The following TRIM71 variants were observed in gnomAD, a reference collection of about 807,000 sequenced individuals.
TRIM71 encodes E3 ubiquitin-protein ligase TRIM71.
Under a neutral mutation model 61.2 loss-of-function variants are expected in TRIM71, and 9 were observed. The observed-to-expected ratio is 0.15, with a 90% confidence interval of 0.09 to 0.26. The LOEUF (loss-of-function observed/expected upper bound fraction) is 0.26. Among genes scored for constraint, TRIM71 ranks in the 10% least tolerant of loss-of-function variants. The pLI is 1.00. For synonymous variants in TRIM71, 645 were observed against 553.2 expected (o/e 1.17, Z -2.33); for missense variants, 998 against 1,238.7 (o/e 0.81, Z 2.92).
rs138150823 is a variant in TRIM71 at position 32,820,143 on chromosome 3, G to A, written c.852+1211G>A. The stretch of plus-strand genomic sequence containing the variant: ...GTGAAAGTCTTGACTTAGAGCGTAA[G>A]CTGGAGACTGCAGAGGCTTTAAAAG... On this transcript the variant is annotated intron_variant, in intron 1 of 3. Transcript: ENST00000383763. 5.9e-4 allele frequency among the ~76,000 whole-genome samples: 90 copies of A among 152,380 alleles called. No individual in the cohort carries two copies. The East Asian group carries it at 0.015, about 26-fold the overall frequency.
At chr3:32,832,366 C>A (rs941906009) in intron 1 of TRIM71, among the ~76,000 whole-genome samples, 7 of 152,072 alleles carry the variant, frequency 4.6e-5, no homozygotes, top group Non-Finnish European at 4.4e-5. Context: ...GTGGAGAGGG[C>A]CTGAGGTGGG....
At chr3:32,834,287 G>A (rs1344027534) in intron 1 of TRIM71, among the ~76,000 whole-genome samples, 1 of 152,206 alleles carries the variant, frequency 6.6e-6, no homozygotes, top group African/African-American at 2.4e-5. Context: ...AGGAGATAGT[G>A]ATTAAGTCTA....
intron 1 of TRIM71, among the ~76,000 whole-genome samples, chr3:32,858,549 G>A (rs923508562): frequency 9.9e-5 from 15 of 152,208 alleles, no homozygotes; most frequent in African/African-American, 3.4e-4. Context: ...AGGCCCAGGA[G>A]GAAGTTCTGG....
At chr3:32,850,419 A>G (rs1409675726) in intron 1 of TRIM71, among the ~76,000 whole-genome samples, 2 of 152,180 alleles carry the variant, frequency 1.3e-5, no homozygotes, top group East Asian at 3.8e-4. Context: ...TTGATGTCAT[A>G]GTATTTCAAA....
chr3:32,867,529 T>C (rs2125687158), intron 1 of TRIM71, among the ~76,000 whole-genome samples: 1 of 152,256 alleles, frequency 6.6e-6, no homozygotes, highest in East Asian at 1.9e-4. Flanking sequence ...CATGGCTCAC[T>C]ATAGCCTTCA....
chr3:32,882,999 A>C (rs1165774977), intron 2 of TRIM71, among the ~76,000 whole-genome samples: 1 of 152,158 alleles, frequency 6.6e-6, no homozygotes, highest in Non-Finnish European at 1.5e-5. Context: ...GACAAAGCAG[A>C]AGAAGCTGCT....
chr3:32,818,026 C>A lies in TRIM71; in HGVS notation c.-55C>A. 6.4e-7 allele frequency: 1 copy of A among 1,551,392 alleles called. No individual in the cohort carries two copies. On this transcript the variant is annotated 5_prime_UTR_variant, in exon 1 of 4. Transcript: ENST00000383763. ...CCCCACCCACCTCGTCCGCTCTCTC[C>A]TCCTCCTCCTCCTCTTCCTCTCTGG...
chr3:32,891,664 G>A lies in TRIM71; in HGVS notation c.2460G>A (p.Met820Ile). The change falls in exon 4 of 4, where the codon ATG (methionine) becomes ATA (isoleucine). Residue 820 changes from methionine (M) to isoleucine (I), a missense_variant. Around this residue, in one of 5 missense-constraint regions of TRIM71, gnomAD observed 95 missense variants for 159.0 expected, o/e 0.60. Coordinates refer to ENST00000383763, the MANE Select transcript of TRIM71 (RefSeq NM_001039111.3). This position sits in a 1 kb window ranked among gnomAD's most constrained non-coding sequence, Gnocchi z 8.2. The stretch of plus-strand genomic sequence containing the variant: ...ATTCCAGGAACCATCGGGTACAGAT[G>A]TTTGAATCCAACGGCAGCTTCCTGT... ...VADSRNHRVQMFESNGSFLCK... is the reference protein window; with the variant it reads ...VADSRNHRVQIFESNGSFLCK... 1.2e-6 allele frequency: 2 copies of A among 1,614,024 alleles called. No individual in the cohort carries two copies. Among genetic ancestry groups the A allele is most frequent in the South Asian group, 1.1e-5 (1 of 91,052 alleles).
intron 1 of TRIM71, among the ~76,000 whole-genome samples, chr3:32,851,111 C>A (rs1696533891): frequency 6.6e-6 from 1 of 152,132 alleles, no homozygotes; most frequent in Non-Finnish European, 1.5e-5. Context: ...GTTACTGGTT[C>A]AGCTTACACA....
In TRIM71 at chr3:32,829,407, C is replaced by G. The variant is rs1575341495; in HGVS notation, c.852+10475C>G. The stretch of plus-strand genomic sequence containing the variant: ...CTGTGTTGGTCAGGCTGGTCTCAAA[C>G]TCCAACCTCAGGTGATCTGCCTGTC... On this transcript the variant is annotated intron_variant, in intron 1 of 3. Coordinates refer to ENST00000383763, the MANE Select transcript of TRIM71 (RefSeq NM_001039111.3). Among the ~76,000 whole-genome samples, 5 of 151,984 alleles carry G rather than the reference C, an allele frequency of 3.3e-5. No individual in the cohort carries two copies. In the South Asian group the frequency reaches 1.0e-3, roughly 31 times the overall value.
At chr3:32,874,130 G>A (rs754076170) in intron 2 of TRIM71, 145 bp downstream of exon 2, 41 of 794,776 alleles carry the variant, frequency 5.2e-5, no homozygotes, top group East Asian at 1.1e-4. Flanking sequence ...CTGCAGCAGC[G>A]GTCCCTTTAG....
chr3:32,818,064 T>C lies in TRIM71; in HGVS notation c.-17T>C. 1 of 1,609,470 alleles carries C rather than the reference T, an allele frequency of 6.2e-7. No homozygotes were observed. The highest frequency in any genetic ancestry group is 8.5e-7 in the Non-Finnish European group (1 of 1,177,402). On this transcript the variant is annotated 5_prime_UTR_variant, in exon 1 of 4. Coordinates refer to ENST00000383763, the MANE Select transcript of TRIM71 (RefSeq NM_001039111.3). ...TCTTCCTCTCTGGTCTCCTCCCTCC[T>C]CCGGGCTGGGTTGCAAATGGCTTCG...
intron 1 of TRIM71, among the ~76,000 whole-genome samples, chr3:32,858,579 T>G (rs1239099058): frequency 1.3e-5 from 2 of 152,128 alleles, no homozygotes; most frequent in Non-Finnish European, 2.9e-5. Context: ...GAGGCCCAGC[T>G]GAACAGCCTG....
chr3:32,832,583 CAA>C (rs1414248901), intron 1 of TRIM71, among the ~76,000 whole-genome samples: 2 of 152,148 alleles, frequency 1.3e-5, no homozygotes, highest in Non-Finnish European at 2.9e-5. Context: ...CCCAGTTACT[CAA>C]GAGGTAGAAG....
chr3:32,849,055 C>T (rs1388376036), intron 1 of TRIM71, among the ~76,000 whole-genome samples: 1 of 152,130 alleles, frequency 6.6e-6, no homozygotes, highest in East Asian at 1.9e-4. Flanking sequence ...TGGCCCTGGG[C>T]AGTCAGGGGA....
intron 1 of TRIM71, among the ~76,000 whole-genome samples, chr3:32,868,054 A>G (rs1207791828): frequency 6.6e-6 from 1 of 152,188 alleles, no homozygotes; most frequent in Non-Finnish European, 1.5e-5. Context: ...CAACACAACA[A>G]GACTTTTTCT....
Position 32,891,931 on chromosome 3 carries a change from T to C in TRIM71, c.*120T>C. The C allele has an allele frequency of 1.4e-6, 2 of 1,394,886 alleles. No individual in the cohort carries two copies. Among genetic ancestry groups the C allele is most frequent in the East Asian group, 2.5e-5 (1 of 39,282 alleles). 86.4% of individuals were successfully genotyped at this position (1,394,886 alleles called of 1,614,324 possible). On this transcript the variant is annotated 3_prime_UTR_variant, in exon 4 of 4. Coordinates refer to ENST00000383763, the MANE Select transcript of TRIM71 (RefSeq NM_001039111.3). The surrounding 1 kb of genome is among the most constrained non-coding windows in gnomAD (Gnocchi z 8.2). ...AGAAACAGTCTCAGGGAAATTTCTT[T>C]TTTCTTTTTTTTTTTTAAAGAGAAC...
At chr3:32,889,183 T>A (rs1401373462) in intron 3 of TRIM71, among the ~76,000 whole-genome samples, 1 of 152,220 alleles carries the variant, frequency 6.6e-6, no homozygotes, top group Non-Finnish European at 1.5e-5. Context: ...TTTCTGTGGG[T>A]TACTGCAGTA....
intron 1 of TRIM71, among the ~76,000 whole-genome samples, chr3:32,839,737 G>T (rs1250310660): frequency 6.6e-6 from 1 of 151,674 alleles, no homozygotes; most frequent in Non-Finnish European, 1.5e-5. Flanking sequence ...GGTTTCTCAT[G>T]TCTAATTCTT....
Sources: allele counts gnomAD v4.1 joint callset (sites outside exome capture counted in the v4.1 genomes callset), GRCh38; gene constraint gnomAD v4.1.1; regional missense constraint gnomAD v4.1.1; non-coding constraint Gnocchi (gnomAD v3.1); transcripts MANE v1.5; gene names NCBI Gene and HGNC (gene_info 2026-07-23, HGNC 2026-07-21).